Variants in ZNF521 observed in about 807,000 individuals in gnomAD.
ZNF521 encodes the protein zinc finger protein 521.
ZNF521 carries 14 observed loss-of-function variants against 105.5 expected under a neutral mutation model. The observed-to-expected ratio is 0.13, with a 90% CI of 0.09 to 0.21. ZNF521 has a LOEUF of 0.21. Ranked by LOEUF, ZNF521 falls within the 10% of genes least tolerant of loss-of-function variation. ZNF521 has a pLI of 1.00. For synonymous variants in ZNF521, 635 were observed against 606.0 expected, an observed-to-expected ratio of 1.05 and a Z score of -0.70; for missense variants, 1,233 against 1,629.7, an observed-to-expected ratio of 0.76 and a Z score of 4.19.
intron 5 of ZNF521, among the ~76,000 whole-genome samples, chr18:25,117,421 T>C (rs948136107): frequency 6.6e-6 from 1 of 152,000 alleles, no homozygotes; most frequent in Non-Finnish European, 1.5e-5. Flanking sequence ...ACAAAGAAAA[T>C]AGACAATGTG....
At chr18:25,074,835 G>A (rs2033321298) in intron 7 of ZNF521, among the ~76,000 whole-genome samples, 1 of 151,964 alleles carries the variant, frequency 6.6e-6, no homozygotes, top group Non-Finnish European at 1.5e-5. Flanking sequence ...ACCCCTTATG[G>A]TGCACAGAGC....
At chr18:25,217,539 CA>C (rs1905406998) in intron 4 of ZNF521, among the ~76,000 whole-genome samples, 1 of 152,070 alleles carries the variant, frequency 6.6e-6, no homozygotes, top group Admixed American at 6.6e-5. Context: ...CTAGGGTATA[CA>C]TACGACATTT....
At chr18:25,129,236 C>T (rs1230098083) in intron 5 of ZNF521, among the ~76,000 whole-genome samples, 1 of 135,104 alleles carries the variant, frequency 7.4e-6, no homozygotes, top group Non-Finnish European at 1.6e-5. Flanking sequence ...TAGAACTAGA[C>T]TTTCACACGG....
At chr18:25,342,870 T>A (rs1429453050) in intron 2 of ZNF521, among the ~76,000 whole-genome samples, 1 of 152,244 alleles carries the variant, frequency 6.6e-6, no homozygotes, top group Non-Finnish European at 1.5e-5. Flanking sequence ...TATGTAGTCT[T>A]ATTCAAGCAC....
At chr18:25,318,973 A>G (rs1256600804) in intron 3 of ZNF521, among the ~76,000 whole-genome samples, 1 of 151,898 alleles carries the variant, frequency 6.6e-6, no homozygotes, top group Non-Finnish European at 1.5e-5. Flanking sequence ...AAGAAAAGAA[A>G]AGAAAAATTG....
At chr18:25,348,162 C>A (rs1914543690) in intron 2 of ZNF521, among the ~76,000 whole-genome samples, 1 of 152,180 alleles carries the variant, frequency 6.6e-6, no homozygotes, top group East Asian at 1.9e-4. Flanking sequence ...TTGTTCACTG[C>A]ATATTACTAC....
At chr18:25,271,877 C>T (rs2144944607) in intron 3 of ZNF521, among the ~76,000 whole-genome samples, 1 of 152,194 alleles carries the variant, frequency 6.6e-6, no homozygotes, top group South Asian at 2.1e-4. Flanking sequence ...ACTAAAACAC[C>T]AAAAGCATTG....
At chr18:25,224,235 TA>T in intron 4 of ZNF521, 109 bp downstream of exon 4, 1 of 1,029,540 alleles carries the variant, frequency 9.7e-7, no homozygotes, top group Non-Finnish European at 1.4e-6. Flanking sequence ...CATTTCAATC[TA>T]AGCATCTTTT....
intron 4 of ZNF521, among the ~76,000 whole-genome samples, chr18:25,206,632 G>A (rs372223077): frequency 6.4e-4 from 96 of 150,196 alleles, no homozygotes; most frequent in African/African-American, 2.2e-3. Flanking sequence ...TTTTATCTCC[G>A]CTGAGATATT....
chr18:25,175,338 A>G (rs1248660189), intron 5 of ZNF521, among the ~76,000 whole-genome samples: 1 of 152,240 alleles, frequency 6.6e-6, no homozygotes, highest in African/African-American at 2.4e-5. Flanking sequence ...GAATGAAGAT[A>G]AAACAGTATC....
chr18:25,126,446 T>C (rs2034540833), intron 5 of ZNF521, among the ~76,000 whole-genome samples: 1 of 152,172 alleles, frequency 6.6e-6, no homozygotes, highest in South Asian at 2.1e-4. Flanking sequence ...CATTCTGTTT[T>C]TCTATTCCCT....
At chr18:25,339,518 T>C (rs1168175560) in intron 2 of ZNF521, among the ~76,000 whole-genome samples, 1 of 152,230 alleles carries the variant, frequency 6.6e-6, no homozygotes, top group Non-Finnish European at 1.5e-5. Flanking sequence ...TTCCACTGTT[T>C]GATCATAACT....
intron 5 of ZNF521, among the ~76,000 whole-genome samples, chr18:25,172,330 G>C (rs189022959): frequency 3.3e-5 from 5 of 152,014 alleles, no homozygotes; most frequent in Non-Finnish European, 7.4e-5. Context: ...TTCTATTGCC[G>C]ATTTTGGCAA....
intron 5 of ZNF521, among the ~76,000 whole-genome samples, chr18:25,129,093 A>C (rs931502359): frequency 6.6e-6 from 1 of 151,870 alleles, no homozygotes; most frequent in African/African-American, 2.4e-5. Flanking sequence ...TATTAGTGAA[A>C]GGACAGACAA....
At chr18:25,291,024 G>A (rs1333077926) in intron 3 of ZNF521, among the ~76,000 whole-genome samples, 2 of 152,016 alleles carry the variant, frequency 1.3e-5, no homozygotes, top group Non-Finnish European at 2.9e-5. Context: ...GCCAGTAACG[G>A]AACTACTGTT....
In ZNF521 at chr18:25,090,663, T is replaced by C. The variant is rs558983102; in HGVS notation, c.3791-1083A>G. Among the ~76,000 whole-genome samples, 6 of 152,352 alleles carry C rather than the reference T, an allele frequency of 3.9e-5. No homozygotes were observed. In the South Asian group the frequency reaches 8.3e-4, roughly 21 times the overall value. On this transcript the variant is annotated intron_variant, in intron 6 of 7. Coordinates refer to ENST00000361524, the MANE Select transcript of ZNF521 (RefSeq NM_015461.3). The stretch of plus-strand genomic sequence containing the variant: ...GTATCAACAAGAAGAAATGAGGTTT[T>C]TACATAGATTTGCAGCTAATCTGCA...
chr18:25,120,979 A>T (rs1267315694), intron 5 of ZNF521, among the ~76,000 whole-genome samples: 1 of 152,166 alleles, frequency 6.6e-6, no homozygotes, highest in East Asian at 1.9e-4. Context: ...TATGCTCTCA[A>T]GTTTATCTTT....
chr18:25,166,743 CAT>C (rs959222809), intron 5 of ZNF521, among the ~76,000 whole-genome samples: 2 of 152,092 alleles, frequency 1.3e-5, no homozygotes, highest in Admixed American at 1.3e-4. Context: ...TTATAGAAAA[CAT>C]ATAACTAGAC....
At chr18:25,110,534 C>T (rs976356979) in intron 5 of ZNF521, among the ~76,000 whole-genome samples, 4 of 152,012 alleles carry the variant, frequency 2.6e-5, no homozygotes, top group African/African-American at 9.7e-5. Flanking sequence ...TCAAGTCCAC[C>T]CATGAACGAG....
Sources: gnomAD v4.1 joint callset for allele counts (sites outside exome capture counted in the v4.1 genomes callset) on GRCh38, gnomAD v4.1.1 for gene constraint, MANE v1.5 for transcripts, NCBI Gene and HGNC (gene_info 2026-07-23, HGNC 2026-07-21) for gene names.